The following GRIN2A variants were observed in gnomAD, a reference collection of about 807,000 sequenced individuals.
The protein encoded by GRIN2A is glutamate ionotropic receptor NMDA type subunit 2A.
Under a neutral mutation model 113.4 loss-of-function variants are expected in GRIN2A, and 22 were observed. That is an observed-to-expected ratio of 0.19 (90% CI 0.14 to 0.28). GRIN2A has a LOEUF of 0.28. GRIN2A is among the 10% of genes least tolerant of loss of function. The pLI is 1.00. For missense variants in GRIN2A, 1,502 were observed against 1,887.0 expected (o/e 0.80, Z 3.78); for synonymous variants, 827 against 738.4 (o/e 1.12, Z -1.94).
intron 3 of GRIN2A, among the ~76,000 whole-genome samples, chr16:9,910,936 G>A (rs553489984): frequency 1.1e-3 from 161 of 151,906 alleles, no homozygotes; most frequent in Admixed American, 3.9e-3. Context: ...CTTCCATGGA[G>A]TAAAGACCTC....
At chr16:9,835,182 C>T (rs778097763) in intron 7 of GRIN2A, among the ~76,000 whole-genome samples, 1 of 152,088 alleles carries the variant, frequency 6.6e-6, no homozygotes, top group Non-Finnish European at 1.5e-5. Context: ...TTGGTAGCAG[C>T]CTTAAATGCA....
intron 2 of GRIN2A, among the ~76,000 whole-genome samples, chr16:10,105,203 C>G (rs146369362): frequency 6.6e-6 from 1 of 152,078 alleles, no homozygotes; most frequent in Non-Finnish European, 1.5e-5. Flanking sequence ...GACAAAAAGC[C>G]TAAGGATCCT....
intron 2 of GRIN2A, among the ~76,000 whole-genome samples, chr16:10,157,853 T>C (rs1342722209): frequency 2.0e-5 from 3 of 152,164 alleles, no homozygotes; most frequent in African/African-American, 7.2e-5. Flanking sequence ...ACTACTGTAA[T>C]CTTTATTTTT....
chr16:9,888,754 T>C (rs1336967171), intron 4 of GRIN2A, among the ~76,000 whole-genome samples: 1 of 151,974 alleles, frequency 6.6e-6, no homozygotes, highest in Non-Finnish European at 1.5e-5. Context: ...TCGATATATA[T>C]ATTATAGGTT....
At chr16:10,014,409 C>A (rs954403620) in intron 2 of GRIN2A, among the ~76,000 whole-genome samples, 3 of 152,176 alleles carry the variant, frequency 2.0e-5, no homozygotes, top group African/African-American at 7.2e-5. Context: ...TTTCTCCTGG[C>A]CTTATAAATG....
At chr16:9,908,393 G>A (rs1231911531) in intron 3 of GRIN2A, among the ~76,000 whole-genome samples, 1 of 143,876 alleles carries the variant, frequency 7.0e-6, no homozygotes, top group East Asian at 1.9e-4. Flanking sequence ...CTGTATAAAT[G>A]GTAAAAAGAA....
chr16:10,127,784 G>T (rs1050195912), intron 2 of GRIN2A, among the ~76,000 whole-genome samples: 1 of 152,166 alleles, frequency 6.6e-6, no homozygotes, highest in East Asian at 1.9e-4. Flanking sequence ...CATACCAAGA[G>T]TATCAAGTTG....
At chr16:9,828,329 T>A (rs1003382240) in intron 9 of GRIN2A, among the ~76,000 whole-genome samples, 2 of 152,194 alleles carry the variant, frequency 1.3e-5, no homozygotes, top group Non-Finnish European at 2.9e-5. Flanking sequence ...CTCATGCCTT[T>A]GTGGAAATGA....
chr16:9,847,245 T>G (rs937240877), intron 5 of GRIN2A, among the ~76,000 whole-genome samples: 6 of 152,100 alleles, frequency 3.9e-5, no homozygotes, highest in African/African-American at 1.4e-4. Flanking sequence ...AAGTGGAAAC[T>G]AAATAATTAT....
intron 7 of GRIN2A, 86 bp from the exon 8 acceptor site, chr16:9,834,316 G>C: frequency 1.6e-6 from 2 of 1,265,418 alleles, no homozygotes; most frequent in Non-Finnish European, 1.2e-6. Context: ...CCATTTGCAG[G>C]CTCGCCAAAA....
chr16:10,060,309 G>A (rs7198175), intron 2 of GRIN2A, among the ~76,000 whole-genome samples: 19,243 of 152,082 alleles, frequency 0.13, 1,548 homozygotes, highest in African/African-American at 0.22. Context: ...ACCACATGCC[G>A]GGGTCTGTGC....
intron 2 of GRIN2A, among the ~76,000 whole-genome samples, chr16:10,004,453 G>A (rs2046372417): frequency 6.6e-6 from 1 of 151,958 alleles, no homozygotes; most frequent in Non-Finnish European, 1.5e-5. Context: ...CTACAAACCA[G>A]GTGGTTTAAA....
In GRIN2A at chr16:10,167,382, A is replaced by AC. The variant is rs1218985800; in HGVS notation, c.414+12615dup. Among the ~76,000 whole-genome samples the AC allele has an allele frequency of 5.9e-5, 9 of 152,332 alleles. No individual in the cohort carries two copies. In the East Asian group the frequency reaches 1.7e-3, roughly 29 times the overall value. ...CAGTGATTTTTGGAAATCACAACTT[A>AC]CATTTTAGAGTGAGTTTATTTTTGT... On this transcript the variant is annotated intron_variant, in intron 2 of 12. Coordinates refer to ENST00000330684, the MANE Select transcript of GRIN2A (RefSeq NM_001134407.3).
At chr16:10,167,612 T>C (rs528206070) in intron 2 of GRIN2A, among the ~76,000 whole-genome samples, 2 of 152,290 alleles carry the variant, frequency 1.3e-5, no homozygotes, top group South Asian at 2.1e-4. Context: ...GCCACCTCCA[T>C]GGAAGGGAAC....
chr16:9,933,641 C>T (rs1407730412), intron 3 of GRIN2A, among the ~76,000 whole-genome samples: 2 of 152,182 alleles, frequency 1.3e-5, no homozygotes, highest in African/African-American at 4.8e-5. Flanking sequence ...ACTCCAGAGT[C>T]CTGGGCTTCT....
chr16:10,066,530 C>T (rs925738427), intron 2 of GRIN2A, among the ~76,000 whole-genome samples: 1 of 152,164 alleles, frequency 6.6e-6, no homozygotes. Flanking sequence ...AAACTATGGG[C>T]TATTTCATGT....
At chr16:9,888,692 T>C (rs2043634364) in intron 4 of GRIN2A, among the ~76,000 whole-genome samples, 1 of 151,844 alleles carries the variant, frequency 6.6e-6, no homozygotes, top group Non-Finnish European at 1.5e-5. Context: ...AACTTAAAAA[T>C]TGTCAAATAA....
At chr16:10,083,212 G>C (rs191827972) in intron 2 of GRIN2A, among the ~76,000 whole-genome samples, 1 of 152,352 alleles carries the variant, frequency 6.6e-6, no homozygotes, top group East Asian at 1.9e-4. Context: ...GCAAACAGGA[G>C]CTAGTTCTGG....
intron 2 of GRIN2A, among the ~76,000 whole-genome samples, chr16:9,990,340 T>C (rs1028380051): frequency 6.6e-6 from 1 of 151,772 alleles, no homozygotes; most frequent in Non-Finnish European, 1.5e-5. Context: ...TGGGTGCTCA[T>C]GGACATAAAG....
Sources: allele counts gnomAD v4.1 joint callset (sites outside exome capture counted in the v4.1 genomes callset), GRCh38; gene constraint gnomAD v4.1.1; transcripts MANE v1.5; gene names NCBI Gene and HGNC (gene_info 2026-07-23, HGNC 2026-07-21).